Variants in SLC12A7 observed in about 807,000 individuals in gnomAD.
SLC12A7 encodes the protein solute carrier family 12 member 7, also known as K-Cl cotransporter 4.
In SLC12A7, 100 loss-of-function variants were observed where a neutral mutation model predicts 120.6. The ratio of observed to expected loss-of-function variants is 0.83; its 90% confidence interval spans 0.71 to 0.98. The LOEUF (loss-of-function observed/expected upper bound fraction) is 0.98. SLC12A7 is among the 50% of genes least tolerant of loss of function. The pLI is 0.00. For missense variants in SLC12A7, 1,373 were observed against 1,548.1 expected (o/e 0.89, Z 1.90); for synonymous variants, 760 against 678.0 (o/e 1.12, Z -1.88).
intron 15 of SLC12A7, 107 bp from the exon 16 acceptor site, chr5:1,074,778 C>T (rs1372085434): frequency 1.3e-5 from 13 of 1,025,064 alleles, no homozygotes; most frequent in Non-Finnish European, 1.6e-5. Flanking sequence ...AACAGGACCC[C>T]CAGGAAAAGT....
chr5:1,095,447 C>CCAGGGCCCT (rs939640404), intron 1 of SLC12A7, among the ~76,000 whole-genome samples: 3 of 152,204 alleles, frequency 2.0e-5, no homozygotes, highest in African/African-American at 4.8e-5. Context: ...CCCACGCACC[C>CCAGGGCCCT]CAGGGCCCTC....
intron 17 of SLC12A7, among the ~76,000 whole-genome samples, chr5:1,067,920 C>CAGCACTGTGTCGGGGA (rs1561048524): frequency 6.6e-6 from 1 of 151,674 alleles, no homozygotes; most frequent in African/African-American, 2.4e-5. Flanking sequence ...TATCACAAGT[C>CAGCACTGTGTCGGGGA]CCCGCACCTG....
At position 1,057,958 on chromosome 5, in the gene SLC12A7, G is replaced by A. The variant is rs538093091; in HGVS notation, c.2848-309C>T. Among the ~76,000 whole-genome samples the A allele has an allele frequency of 1.4e-4, 22 of 152,312 alleles. No individual in the cohort carries two copies. In the South Asian group the frequency reaches 4.1e-3, roughly 29 times the overall value. ...TGGCAGAGTCTCCCCCTCACCTGACGGGGCTCCACACACGTGTTCACCCCA... is the reference window on the plus strand; with the variant it reads ...TGGCAGAGTCTCCCCCTCACCTGACAGGGCTCCACACACGTGTTCACCCCA... On this transcript the variant is annotated intron_variant, in intron 21 of 23. Coordinates refer to ENST00000264930, the MANE Select transcript of SLC12A7 (RefSeq NM_006598.3).
At chr5:1,083,209 G>A (rs1464276552) in intron 8 of SLC12A7, among the ~76,000 whole-genome samples, 1 of 149,988 alleles carries the variant, frequency 6.7e-6, no homozygotes, top group Non-Finnish European at 1.5e-5. Context: ...GAAAGCCTGG[G>A]CTTCCTCTCT....
rs1292397135 is a variant in SLC12A7 at position 1,085,391 on chromosome 5, A to G, written c.758T>C (p.Val253Ala). The G allele has an allele frequency of 6.2e-7, 1 of 1,611,902 alleles. No individual in the cohort carries two copies. Among genetic ancestry groups the G allele is most frequent in the Admixed American group, 1.7e-5 (1 of 59,922 alleles). The change falls in exon 7 of 24, where the codon GTG (valine) becomes GCG (alanine). Residue 253 changes from valine (V) to alanine (A), a missense_variant. By Grantham distance (64) the Val-to-Ala change is moderately conservative (BLOSUM62 0). Transcript: ENST00000264930. Reference protein sequence around the residue: ...EAAAMLHNMRVYGTCTLVLMA... With the variant: ...EAAAMLHNMRAYGTCTLVLMA... ...GAGCACGAGCGTGCACGTGCCGTAC[A>G]CACGCATGTTGTGCAGCATGGCGGC...
chr5:1,113,425 A>T (rs368964872), upstream of SLC12A7, among the ~76,000 whole-genome samples: 132 of 152,328 alleles, frequency 8.7e-4, no homozygotes, highest in African/African-American at 3.0e-3. Context: ...AAAGCCAGTC[A>T]TGCCCTGGGG....
intron 1 of SLC12A7, among the ~76,000 whole-genome samples, chr5:1,105,734 C>A (rs1185398176): frequency 6.6e-6 from 1 of 152,238 alleles, no homozygotes; most frequent in Non-Finnish European, 1.5e-5. Context: ...ACTTCCCCAG[C>A]ATCTGAGAAG....
rs1734965911 is a variant in SLC12A7, at chr5:1,050,906, T to C, written c.*1454A>G. 1.0e-5 allele frequency: 4 copies of C among 398,530 alleles called. No homozygotes were observed. Among genetic ancestry groups the C allele is most frequent in the African/African-American group, 2.1e-5 (1 of 48,640 alleles). 24.7% of individuals were successfully genotyped at this position (398,530 alleles called of 1,614,324 possible). On this transcript the variant is annotated 3_prime_UTR_variant, in exon 24 of 24. Transcript: ENST00000264930. ...CACAAGTGCAGCCTCTGCCCCGATT[T>C]GAACTTTGTTGATGGGGCTGATTCC... is the stretch of plus-strand genomic sequence containing the variant.
At chr5:1,092,365 G>A (rs1049890078) in intron 3 of SLC12A7, among the ~76,000 whole-genome samples, 6 of 152,148 alleles carry the variant, frequency 3.9e-5, no homozygotes, top group African/African-American at 1.2e-4. Flanking sequence ...GCCGGCCGAC[G>A]GACGCCCCAC....
At chr5:1,087,185 A>G in intron 5 of SLC12A7, 152 bp from the exon 6 acceptor site, 1 of 1,060,314 alleles carries the variant, frequency 9.4e-7, no homozygotes, top group Non-Finnish European at 1.3e-6. Context: ...GCACATGGAG[A>G]CGCTTCCACG....
intron 22 of SLC12A7, among the ~76,000 whole-genome samples, chr5:1,054,006 C>T (rs185403667): frequency 5.1e-4 from 77 of 152,330 alleles, no homozygotes; most frequent in Non-Finnish European, 8.2e-4. Flanking sequence ...GCCGGAAGCT[C>T]AGGAAGGAAA....
intron 5 of SLC12A7, 61 bp downstream of exon 5, chr5:1,088,245 T>C: frequency 6.5e-7 from 1 of 1,527,208 alleles, no homozygotes; most frequent in East Asian, 2.4e-5. Flanking sequence ...GCGGTTGCCG[T>C]GCGGCAAAAC....
intron 13 of SLC12A7, 137 bp from the exon 14 acceptor site, chr5:1,076,373 C>T: frequency 8.5e-6 from 6 of 703,844 alleles, no homozygotes; most frequent in Non-Finnish European, 1.4e-5. Context: ...TGCACGTGAG[C>T]TGACTCAGAC....
rs1739933053 is a variant in SLC12A7 at position 1,087,003 on chromosome 5, G to A, written c.575C>T (p.Ser192Leu). Residue 192 changes from serine (S) to leucine (L), a missense_variant, in exon 6 of 24, where the codon TCG (serine) becomes TTG (leucine). Ser to Leu is a moderately radical substitution (Grantham distance 145, BLOSUM62 -2). Transcript: ENST00000264930. ...AGCGCCTCCAAACTCGGGTCCCAGC[G>A]AGCGCGATATCATGTAGTAGGACCC... The part of the protein sequence containing the change: ...AGGSYYMISR[S>L]LGPEFGGAVG... 4.3e-6 allele frequency: 7 copies of A among 1,612,724 alleles called. No homozygotes were observed. Among genetic ancestry groups the A allele is most frequent in the Non-Finnish European group, 5.9e-6 (7 of 1,179,942 alleles).
chr5:1,063,895 C>A lies in SLC12A7; in HGVS notation c.2688G>T (p.Gln896His). 6.3e-7 allele frequency: 1 copy of A among 1,586,836 alleles called. No individual in the cohort carries two copies. Among genetic ancestry groups the A allele is most frequent in the Non-Finnish European group, 8.6e-7 (1 of 1,163,312 alleles). ...TGATGCGCAAGTGGTACAAGAACAT[C>A]TGCAGGTCCTTCTTCATCTGGATGC... ...DNSIQMKKDL[Q>H]MFLYHLRISA... Residue 896 changes from glutamine (Q) to histidine (H), a missense_variant, in exon 20 of 24, where the codon CAG (glutamine) becomes CAT (histidine). Physicochemically the swap from Gln to His is conservative, Grantham distance 24. Transcript: ENST00000264930.
At chr5:1,124,859 G>A in the SLC12A7 span, among the ~76,000 whole-genome samples, 2 of 152,172 alleles carry the variant, frequency 1.3e-5, no homozygotes, top group African/African-American at 4.8e-5. Flanking sequence ...TAACCGGAGC[G>A]AGGCGGCCGG....
the SLC12A7 span, among the ~76,000 whole-genome samples, chr5:1,126,218 G>A: frequency 6.6e-6 from 1 of 152,040 alleles, no homozygotes; most frequent in Admixed American, 6.6e-5. Context: ...GTAGCTGACA[G>A]CTGGGATTAC....
At chr5:1,075,303 C>T in intron 15 of SLC12A7, 68 bp downstream of exon 15, 2 of 1,564,738 alleles carry the variant, frequency 1.3e-6, no homozygotes, top group Non-Finnish European at 1.7e-6. Context: ...GGAGCTGCCC[C>T]AGGCATAGCA....
At chr5:1,103,980 A>G (rs1002705938) in intron 1 of SLC12A7, among the ~76,000 whole-genome samples, 18 of 152,342 alleles carry the variant, frequency 1.2e-4, no homozygotes, top group African/African-American at 4.1e-4. Context: ...AGCAGAGATG[A>G]AGGAAGGCGG....
Sources: allele counts gnomAD v4.1 joint callset (sites outside exome capture counted in the v4.1 genomes callset), GRCh38; gene constraint gnomAD v4.1.1; transcripts MANE v1.5; gene names NCBI Gene and HGNC (gene_info 2026-07-23, HGNC 2026-07-21).